The following CIT variants were observed in gnomAD, a reference collection of about 807,000 sequenced individuals.
CIT encodes citron rho-interacting serine/threonine kinase.
Under a neutral mutation model 272.7 loss-of-function variants are expected in CIT, and 79 were observed. The ratio of observed to expected loss-of-function variants is 0.29; its 90% CI spans 0.24 to 0.35. The LOEUF is 0.35. Ranked by LOEUF, CIT falls within the 10% of genes least tolerant of loss-of-function variation. The pLI is 1.00. For synonymous variants in CIT, 948 were observed against 995.6 expected (o/e 0.95, Z 0.90); for missense variants, 1,909 against 2,618.3 (o/e 0.73, Z 5.91).
intron 9 of CIT, among the ~76,000 whole-genome samples, chr12:119,814,220 AT>A (rs959196437): frequency 4.6e-4 from 70 of 152,318 alleles, no homozygotes; most frequent in African/African-American, 1.6e-3. Context: ...TAGCTTCTAA[AT>A]TCAGACTAGT....
At chr12:119,809,768 C>T (rs530592885) in intron 9 of CIT, among the ~76,000 whole-genome samples, 2 of 152,302 alleles carry the variant, frequency 1.3e-5, no homozygotes, top group South Asian at 4.1e-4. Flanking sequence ...AACAAACAGG[C>T]CTTGCTGGGA....
chr12:119,849,746 C>T (rs369593274), intron 5 of CIT, among the ~76,000 whole-genome samples: 12 of 149,020 alleles, frequency 8.1e-5, no homozygotes, highest in African/African-American at 2.5e-4. Flanking sequence ...AGTGCAGTGG[C>T]GCAATCTCGG....
chr12:119,856,996 TAG>T (rs1950191357), intron 4 of CIT, among the ~76,000 whole-genome samples: 1 of 152,208 alleles, frequency 6.6e-6, no homozygotes, highest in Admixed American at 6.5e-5. Context: ...TCAATATGTC[TAG>T]AGACAGTAGC....
chr12:119,817,749 A>C (rs1482173076), intron 9 of CIT, among the ~76,000 whole-genome samples: 3 of 152,090 alleles, frequency 2.0e-5, no homozygotes, highest in African/African-American at 7.2e-5. Context: ...GTAGAAATTC[A>C]AATATCAGAA....
At chr12:119,818,918 A>G (rs1412918314) in intron 9 of CIT, among the ~76,000 whole-genome samples, 1 of 152,224 alleles carries the variant, frequency 6.6e-6, no homozygotes, top group Non-Finnish European at 1.5e-5. Context: ...AGTACCAGAC[A>G]GCAAAACTTT....
At chr12:119,727,051 G>A (rs1958154554) in intron 28 of CIT, among the ~76,000 whole-genome samples, 1 of 152,158 alleles carries the variant, frequency 6.6e-6, no homozygotes, top group Non-Finnish European at 1.5e-5. Flanking sequence ...TGTCCTATCG[G>A]CATGAAACTT....
chr12:119,720,528 G>C lies in CIT; in HGVS notation c.3790C>G (p.Leu1264Val). ...ATTTTGGCTTGCAGAAAATCAATGA[G>C]TTTGGTTTGTTGAGAAATAGTGCCT... is the stretch of plus-strand genomic sequence containing the variant. Reference protein sequence around the residue: ...MEGTISQQTKLIDFLQAKMDQ... With the variant: ...MEGTISQQTKVIDFLQAKMDQ... Residue 1264 changes from leucine (L) to valine (V), a missense_variant, in exon 30 of 48, where the codon CTC becomes GTC. Leu to Val is a conservative substitution (Grantham distance 32). Around this residue, in one of 8 missense-constraint regions of CIT, gnomAD observed 14 missense variants for 44.1 expected, o/e 0.32. Transcript: ENST00000392521. The C allele has an allele frequency of 6.2e-7, 1 of 1,610,636 alleles. No homozygotes were observed. Among genetic ancestry groups the C allele is most frequent in the Non-Finnish European group, 8.5e-7 (1 of 1,179,234 alleles).
intron 5 of CIT, among the ~76,000 whole-genome samples, chr12:119,845,061 A>C (rs1379767280): frequency 2.0e-5 from 3 of 152,068 alleles, no homozygotes; most frequent in Non-Finnish European, 4.4e-5. Context: ...TGGAGGTTGC[A>C]CTGAGCCGAG....
At position 119,704,445 on chromosome 12, in the gene CIT, C is replaced by T; in HGVS notation, c.5222G>A (p.Gly1741Glu). The T allele has an allele frequency of 1.2e-6, 2 of 1,613,930 alleles. No homozygotes were observed. Among genetic ancestry groups the T allele is most frequent in the Non-Finnish European group, 1.7e-6 (2 of 1,179,844 alleles). Residue 1741 changes from glycine to glutamate, a missense_variant, in exon 41 of 48, where the codon GGG becomes GAG. Coordinates refer to ENST00000392521, the MANE Select transcript of CIT (RefSeq NM_001206999.2). Reference protein sequence around the residue: ...HLFGAGKIENGLCICAAMPSK... With the variant: ...HLFGAGKIENELCICAAMPSK... ...GGGCATGGCTGCACAGATGCAGAGCCCGTTCTCAATCTGAAAAGCAACCAA... is the reference window on the plus strand; with the variant it reads ...GGGCATGGCTGCACAGATGCAGAGCTCGTTCTCAATCTGAAAAGCAACCAA...
chr12:119,776,208 C>T, intron 15 of CIT, 150 bp downstream of exon 15: 4 of 709,618 alleles, frequency 5.6e-6, no homozygotes, highest in South Asian at 1.8e-5. Flanking sequence ...TATGTGGTCA[C>T]CCAAAGGTGG....
At chr12:119,755,220 A>T (rs192930340) in intron 22 of CIT, among the ~76,000 whole-genome samples, 1 of 152,224 alleles carries the variant, frequency 6.6e-6, no homozygotes, top group Non-Finnish European at 1.5e-5. Context: ...GCTCAAGACC[A>T]GCCTGGGCAA....
chr12:119,864,139 T>G (rs1950449299), intron 3 of CIT, among the ~76,000 whole-genome samples: 2 of 152,040 alleles, frequency 1.3e-5, no homozygotes, highest in South Asian at 2.1e-4. Flanking sequence ...AAAAAAAAAC[T>G]TTTCAAAAGT....
At chr12:119,848,751 C>T (rs923863257) in intron 5 of CIT, among the ~76,000 whole-genome samples, 3 of 152,182 alleles carry the variant, frequency 2.0e-5, no homozygotes, top group African/African-American at 7.2e-5. Context: ...CGGAGCTGGG[C>T]ATGGTGGCTC....
At chr12:119,805,152 C>T (rs576291043) in intron 9 of CIT, among the ~76,000 whole-genome samples, 2 of 151,932 alleles carry the variant, frequency 1.3e-5, no homozygotes, top group South Asian at 4.2e-4. Flanking sequence ...AATAAGGAAA[C>T]TCAGATAAAG....
At chr12:119,815,004 C>T (rs1314729906) in intron 9 of CIT, among the ~76,000 whole-genome samples, 2 of 149,174 alleles carry the variant, frequency 1.3e-5, no homozygotes, top group Non-Finnish European at 3.0e-5. Context: ...TGCCACTGCA[C>T]TCCAGCCTGG....
intron 32 of CIT, among the ~76,000 whole-genome samples, chr12:119,717,834 C>CTTTTTTTTTTTTTTTTTTTTTT (rs546520444): frequency 3.7e-4 from 26 of 70,238 alleles, no homozygotes; most frequent in African/African-American, 9.9e-4. Context: ...AGACTGACTT[C>CTTTTTTTTTTTTTTTTTTTTTT]TTTCTTTTTT....
chr12:119,776,247 C>A, intron 15 of CIT, 111 bp downstream of exon 15: 1 of 829,478 alleles, frequency 1.2e-6, no homozygotes, highest in Non-Finnish European at 2.0e-6. Context: ...GAAGAGAGGT[C>A]TCTATTCATT....
At position 119,712,471 on chromosome 12, in the gene CIT, G is replaced by C. The variant is rs1957214976; in HGVS notation, c.4684+120C>G. 7.1e-7 allele frequency: 1 copy of C among 1,402,332 alleles called. No individual in the cohort carries two copies. Among genetic ancestry groups the C allele is most frequent in the Non-Finnish European group, 9.9e-7 (1 of 1,010,808 alleles). 86.9% of individuals were successfully genotyped at this position (1,402,332 alleles called of 1,614,324 possible). The stretch of plus-strand genomic sequence containing the variant: ...AAATCCCAGTTACCGCCAAGGCGGG[G>C]AGCGGAGGAAGATGGGCCTCCTTTG... On this transcript the variant is annotated intron_variant, in intron 36 of 47. Coordinates refer to ENST00000392521, the MANE Select transcript of CIT (RefSeq NM_001206999.2). This position sits in a 1 kb window ranked among gnomAD's most constrained non-coding sequence, Gnocchi z 5.2.
At chr12:119,835,342 GAGGGCCTGGCAC>G (rs1242500485) in intron 5 of CIT, among the ~76,000 whole-genome samples, 10 of 152,140 alleles carry the variant, frequency 6.6e-5, no homozygotes. Context: ...AAGGTCCTAG[GAGGGCCTGGCAC>G]AGTGCCTGGC....
Sources: allele counts gnomAD v4.1 joint callset (sites outside exome capture counted in the v4.1 genomes callset), GRCh38; gene constraint gnomAD v4.1.1; regional missense constraint gnomAD v4.1.1; non-coding constraint Gnocchi (gnomAD v3.1); transcripts MANE v1.5; gene names NCBI Gene and HGNC (gene_info 2026-07-23, HGNC 2026-07-21).